Variants in LGSN observed in about 807,000 individuals in gnomAD.
The protein encoded by LGSN is lengsin, lens protein with glutamine synthetase domain.
A neutral mutation model predicts 19.5 loss-of-function variants in LGSN; 21 were observed. That is an observed-to-expected ratio of 1.07 (90% confidence interval 0.76 to 1.55). LGSN has a LOEUF of 1.55. Among genes scored for constraint, LGSN ranks in the 40% most tolerant of loss-of-function variants. The probability of loss-of-function intolerance (pLI) is 0.00; values close to 1 mark genes in which losing one functional copy is unlikely to be tolerated. For missense variants in LGSN, 673 were observed against 608.5 expected, an observed-to-expected ratio of 1.11 and a Z score of -1.12; for synonymous variants, 257 against 215.6, an observed-to-expected ratio of 1.19 and a Z score of -1.68.
chr6:63,423,883 C>CA, the LGSN span, among the ~76,000 whole-genome samples: 1 of 151,748 alleles, frequency 6.6e-6, no homozygotes, highest in South Asian at 2.1e-4. Flanking sequence ...ACTAAAAATA[C>CA]AAAAAAATTA....
At chr6:63,402,162 G>A in the LGSN span, among the ~76,000 whole-genome samples, 2 of 152,190 alleles carry the variant, frequency 1.3e-5, no homozygotes, top group South Asian at 4.1e-4. Flanking sequence ...TTTGGCTCAC[G>A]AAAGAAATAT....
the LGSN span, among the ~76,000 whole-genome samples, chr6:63,427,439 G>A: frequency 6.6e-6 from 1 of 151,964 alleles, no homozygotes; most frequent in Non-Finnish European, 1.5e-5. Context: ...TCAGGTGCTG[G>A]AAAACTAAAA....
At chr6:63,379,781 A>AT in the LGSN span, among the ~76,000 whole-genome samples, 1 of 152,136 alleles carries the variant, frequency 6.6e-6, no homozygotes, top group Non-Finnish European at 1.5e-5. Context: ...TTTTACAAAA[A>AT]TTTTGCAGGC....
chr6:63,374,427 T>C, the LGSN span, among the ~76,000 whole-genome samples: 2 of 152,236 alleles, frequency 1.3e-5, no homozygotes, highest in African/African-American at 4.8e-5. Flanking sequence ...TACAGCACCT[T>C]TGCCATCTGA....
the LGSN span, among the ~76,000 whole-genome samples, chr6:63,467,394 C>T: frequency 2.0e-5 from 3 of 152,028 alleles, no homozygotes; most frequent in African/African-American, 7.2e-5. Flanking sequence ...AAAAATAAAA[C>T]ACAATCAGTG....
the LGSN span, among the ~76,000 whole-genome samples, chr6:63,411,800 T>C: frequency 1.3e-5 from 2 of 152,154 alleles, no homozygotes; most frequent in African/African-American, 4.8e-5. Context: ...TGAGTCATGA[T>C]GGTCCCCCTG....
At chr6:63,401,021 T>C in the LGSN span, among the ~76,000 whole-genome samples, 1 of 152,136 alleles carries the variant, frequency 6.6e-6, no homozygotes, top group Non-Finnish European at 1.5e-5. Flanking sequence ...TCAACATTAA[T>C]AAATATTTGA....
At chr6:63,509,265 A>G in the LGSN span, among the ~76,000 whole-genome samples, 1 of 151,904 alleles carries the variant, frequency 6.6e-6, no homozygotes, top group South Asian at 2.1e-4. Flanking sequence ...GGGTTTCACC[A>G]TGTTGGCCAG....
chr6:63,378,559 A>G, the LGSN span, among the ~76,000 whole-genome samples: 1,015 of 152,314 alleles, frequency 6.7e-3, 12 homozygotes, highest in African/African-American at 0.023. Context: ...TGCAGACTGT[A>G]CAGGAAGCAT....
the LGSN span, among the ~76,000 whole-genome samples, chr6:63,428,539 C>T: frequency 1.3e-4 from 20 of 151,910 alleles, no homozygotes; most frequent in Admixed American, 1.1e-3. Flanking sequence ...TTAGTAGAGA[C>T]GGGGTTTCAC....
At chr6:63,528,855 G>T in the LGSN span, among the ~76,000 whole-genome samples, 4 of 152,014 alleles carry the variant, frequency 2.6e-5, no homozygotes, top group African/African-American at 9.7e-5. Flanking sequence ...TTGGGAGGCC[G>T]AGGCCGGTGG....
chr6:63,411,338 G>A, the LGSN span, among the ~76,000 whole-genome samples: 1 of 152,174 alleles, frequency 6.6e-6, no homozygotes, highest in Non-Finnish European at 1.5e-5. Context: ...TAAGGAGAAA[G>A]TAGGCAAGGG....
chr6:63,433,113 C>T, the LGSN span, among the ~76,000 whole-genome samples: 2 of 151,956 alleles, frequency 1.3e-5, no homozygotes, highest in African/African-American at 4.8e-5. Flanking sequence ...TCCAAACACC[C>T]CCATGTATAA....
chr6:63,506,789 A>T, the LGSN span, among the ~76,000 whole-genome samples: 15 of 152,200 alleles, frequency 9.9e-5, no homozygotes, highest in Non-Finnish European at 1.9e-4. Flanking sequence ...ACCACTGAAC[A>T]TATATTGTTG....
intron 1 of LGSN, among the ~76,000 whole-genome samples, chr6:63,300,533 G>C (rs796141428): frequency 5.7e-4 from 87 of 152,228 alleles, no homozygotes; most frequent in African/African-American, 2.1e-3. Context: ...AGGCACGGTG[G>C]TGTGTGCCTG....
At chr6:63,494,991 T>C in the LGSN span, among the ~76,000 whole-genome samples, 1 of 152,336 alleles carries the variant, frequency 6.6e-6, no homozygotes, top group East Asian at 1.9e-4. Flanking sequence ...TAAAATACCA[T>C]GCATTTTATG....
At chr6:63,364,262 AC>A in the LGSN span, among the ~76,000 whole-genome samples, 2 of 145,178 alleles carry the variant, frequency 1.4e-5, no homozygotes, top group African/African-American at 5.7e-5. Context: ...AAACAAACAA[AC>A]AAAAAAAAAA....
chr6:63,411,868 T>TA, the LGSN span, among the ~76,000 whole-genome samples: 35 of 152,162 alleles, frequency 2.3e-4, no homozygotes, highest in Admixed American at 7.2e-4. Context: ...AAAATTGTGC[T>TA]AAAATACTTA....
chr6:63,297,545 T>C (rs993546942), intron 1 of LGSN, among the ~76,000 whole-genome samples: 7 of 152,162 alleles, frequency 4.6e-5, no homozygotes, highest in Admixed American at 3.3e-4. Flanking sequence ...AACAAATTTA[T>C]TGGATCCTTC....
Sources: allele counts gnomAD v4.1 joint callset (sites outside exome capture counted in the v4.1 genomes callset), GRCh38; gene constraint gnomAD v4.1.1; transcripts MANE v1.5; gene names NCBI Gene and HGNC (gene_info 2026-07-23, HGNC 2026-07-21).